ARHGAP8: variants seen among roughly 807,000 people sequenced by gnomAD.
ARHGAP8 encodes Rho GTPase activating protein 8, also known as rho GTPase-activating protein 8.
In ARHGAP8, 62 loss-of-function variants were observed where a neutral mutation model predicts 46.1. The observed-to-expected ratio is 1.34, with a 90% confidence interval of 1.10 to 1.66. The LOEUF is 1.66. ARHGAP8 is among the 40% of genes most tolerant of loss of function. ARHGAP8 has a pLI of 0.00. For synonymous variants in ARHGAP8, 375 were observed against 243.1 expected (o/e 1.54, Z -5.05); for missense variants, 923 against 568.4 (o/e 1.62, Z -6.34).
chr22:44,787,828 A>G (rs1481973234), intron 2 of ARHGAP8, among the ~76,000 whole-genome samples: 1 of 151,904 alleles, frequency 6.6e-6, no homozygotes, highest in East Asian at 1.9e-4. Flanking sequence ...CCCCAGAAAC[A>G]TGATAAACAC....
At position 44,803,049 on chromosome 22, in the gene ARHGAP8, C is replaced by T. The variant is rs1928669584; in HGVS notation, c.167+885C>T. On this transcript the variant is annotated intron_variant, in intron 3 of 11. Coordinates refer to ENST00000356099, the MANE Select transcript of ARHGAP8 (RefSeq NM_181335.3). Reference sequence around the variant, plus strand: ...TCAGCAGGCATCTATTGAGCGCCTACTGTATGTGAGACTTTGGATAGATAG... The same window carrying T: ...TCAGCAGGCATCTATTGAGCGCCTATTGTATGTGAGACTTTGGATAGATAG... 2.0e-5 allele frequency among the ~76,000 whole-genome samples: 3 copies of T among 152,290 alleles called. 1 individual carries two copies. In the South Asian group the frequency reaches 6.2e-4, roughly 32 times the overall value.
intron 10 of ARHGAP8, chr22:44,851,081 A>T (rs767179850): frequency 1.3e-5 from 2 of 152,076 alleles, no homozygotes; most frequent in African/African-American, 4.8e-5. Context: ...TGAAATGAAA[A>T]CATTCAAAGT....
intron 11 of ARHGAP8, among the ~76,000 whole-genome samples, chr22:44,860,495 T>G (rs1184265423): frequency 6.6e-6 from 1 of 151,946 alleles, no homozygotes; most frequent in East Asian, 1.9e-4. Context: ...CTGCCATATG[T>G]CACTGGGTTT....
intron 1 of ARHGAP8, chr22:44,765,111 G>A (rs1925449991): frequency 6.6e-6 from 1 of 152,378 alleles, no homozygotes; most frequent in Non-Finnish European, 1.5e-5. Flanking sequence ...AGGCTCCTCA[G>A]CCCTGTGACC....
intron 1 of ARHGAP8, among the ~76,000 whole-genome samples, chr22:44,771,774 C>T (rs867608493): frequency 3.0e-4 from 46 of 151,752 alleles, no homozygotes; most frequent in African/African-American, 7.3e-5. Context: ...AGGCTGGTCT[C>T]GAACTCCTGA....
intron 2 of ARHGAP8, among the ~76,000 whole-genome samples, chr22:44,799,276 C>T (rs1243129503): frequency 6.6e-6 from 1 of 152,246 alleles, no homozygotes; most frequent in East Asian, 1.9e-4. Context: ...CTGTACATTA[C>T]CCCTCCTGGG....
At chr22:44,855,988 C>G (rs759574105) in intron 10 of ARHGAP8, among the ~76,000 whole-genome samples, 2 of 152,096 alleles carry the variant, frequency 1.3e-5, no homozygotes, top group Non-Finnish European at 2.9e-5. Context: ...GAGCAGGTGT[C>G]TCACGCAGTG....
chr22:44,838,986 G>A (rs1445067465), intron 7 of ARHGAP8, among the ~76,000 whole-genome samples: 1 of 152,240 alleles, frequency 6.6e-6, no homozygotes, highest in Non-Finnish European at 1.5e-5. Context: ...TGAAGCTGGA[G>A]AGGATAAGGA....
rs6519899 is a variant in ARHGAP8 at position 44,862,770 on chromosome 22, A to C, written c.*175A>C. 166,867 of 761,820 alleles carry C rather than the reference A, an allele frequency of 0.22. 20,266 individuals carry two copies. The highest frequency in any genetic ancestry group is 0.26 in the Admixed American group (8,393 of 32,422). 47.2% of individuals were successfully genotyped at this position (761,820 alleles called of 1,614,324 possible). Reference sequence around the variant, plus strand: ...CTTGTCCATGGTTCCTGAGCTGTGGACCGGGATAGAATAATGCATTTGTTA... The same window carrying C: ...CTTGTCCATGGTTCCTGAGCTGTGGCCCGGGATAGAATAATGCATTTGTTA... On this transcript the variant is annotated 3_prime_UTR_variant, in exon 12 of 12. Transcript: ENST00000356099.
intron 1 of ARHGAP8, among the ~76,000 whole-genome samples, chr22:44,757,570 C>T (rs1924782743): frequency 6.6e-6 from 1 of 152,180 alleles, no homozygotes; most frequent in South Asian, 2.1e-4. Flanking sequence ...AGCCACCATG[C>T]CTGGCCCTTT....
At chr22:44,813,730 TACACCTAC>T (rs1050293884) in intron 4 of ARHGAP8, among the ~76,000 whole-genome samples, 4 of 130,168 alleles carry the variant, frequency 3.1e-5, no homozygotes, top group African/African-American at 1.1e-4. Flanking sequence ...TTCATACACT[TACACCTAC>T]ACACACCTAC....
At chr22:44,778,317 A>T (rs575159239) in intron 1 of ARHGAP8, among the ~76,000 whole-genome samples, 29 of 152,306 alleles carry the variant, frequency 1.9e-4, no homozygotes, top group African/African-American at 6.0e-4. Flanking sequence ...TTAGAATAAC[A>T]GTCTCCAATC....
At chr22:44,761,937 T>C (rs544568078) in intron 1 of ARHGAP8, among the ~76,000 whole-genome samples, 50 of 152,354 alleles carry the variant, frequency 3.3e-4, no homozygotes, top group African/African-American at 1.0e-3. Flanking sequence ...ATGAGACTTA[T>C]TCACTACCAT....
chr22:44,862,169 T>G, intron 11 of ARHGAP8, 106 bp from the exon 12 acceptor site: 1 of 1,374,026 alleles, frequency 7.3e-7, no homozygotes, highest in Non-Finnish European at 9.7e-7. Flanking sequence ...CCCAGTCCAG[T>G]GCTCCTCTCA....
chr22:44,860,641 A>G (rs1178128861), intron 11 of ARHGAP8, among the ~76,000 whole-genome samples: 1 of 16,694 alleles, frequency 6.0e-5, no homozygotes, highest in Non-Finnish European at 1.1e-4. Context: ...AATCTACTAC[A>G]CACCAGGCTA....
At chr22:44,756,841 TAAATC>T (rs1217309378) in intron 1 of ARHGAP8, among the ~76,000 whole-genome samples, 41 of 152,240 alleles carry the variant, frequency 2.7e-4, no homozygotes, top group Admixed American at 2.2e-3. Context: ...ATTGTGATGT[TAAATC>T]AAGCTTGAAT....
At chr22:44,777,003 G>A (rs977723439) in intron 1 of ARHGAP8, among the ~76,000 whole-genome samples, 2 of 152,092 alleles carry the variant, frequency 1.3e-5, no homozygotes, top group African/African-American at 2.4e-5. Context: ...TTCTGGGACC[G>A]GCTTTTTGCC....
intron 5 of ARHGAP8, among the ~76,000 whole-genome samples, chr22:44,820,995 A>T (rs1488590166): frequency 6.6e-6 from 1 of 152,206 alleles, no homozygotes; most frequent in Non-Finnish European, 1.5e-5. Flanking sequence ...TTTTGATTTC[A>T]CAAAATAAAC....
chr22:44,849,770 G>T (rs1262694740), intron 10 of ARHGAP8: 1 of 152,200 alleles, frequency 6.6e-6, no homozygotes, highest in Non-Finnish European at 1.5e-5. Flanking sequence ...GAAGCAGCTC[G>T]GTTAAGATAT....
Sources: allele counts gnomAD v4.1 joint callset (sites outside exome capture counted in the v4.1 genomes callset), GRCh38; gene constraint gnomAD v4.1.1; transcripts MANE v1.5; gene names NCBI Gene and HGNC (gene_info 2026-07-23, HGNC 2026-07-21).